ABAT: variants seen among roughly 807,000 people sequenced by gnomAD.
The protein encoded by ABAT is 4-aminobutyrate aminotransferase, mitochondrial.
ABAT carries 45 observed loss-of-function variants against 64.6 expected under a neutral mutation model. The ratio of observed to expected loss-of-function variants is 0.70; its 90% CI spans 0.55 to 0.89. The LOEUF (loss-of-function observed/expected upper bound fraction) is 0.89. ABAT is among the 40% of genes least tolerant of loss of function. The pLI, the probability that ABAT is intolerant of heterozygous loss-of-function variation, is 0.00. For synonymous variants in ABAT, 297 were observed against 250.5 expected (o/e 1.19, Z -1.75); for missense variants, 633 against 658.4 (o/e 0.96, Z 0.42).
intron 2 of ABAT, among the ~76,000 whole-genome samples, chr16:8,740,900 A>G (rs1475314666): frequency 6.6e-6 from 1 of 152,230 alleles, no homozygotes; most frequent in Non-Finnish European, 1.5e-5. Context: ...AAAATTTTTT[A>G]ACAGAAAAGC....
At chr16:8,690,855 C>T (rs933672688) in intron 1 of ABAT, among the ~76,000 whole-genome samples, 2 of 152,100 alleles carry the variant, frequency 1.3e-5, no homozygotes, top group African/African-American at 2.4e-5. Flanking sequence ...CCAAACATAG[C>T]GGACAGGATT....
At chr16:8,733,280 C>A (rs146925701) in intron 1 of ABAT, among the ~76,000 whole-genome samples, 1 of 150,374 alleles carries the variant, frequency 6.7e-6, no homozygotes, top group African/African-American at 2.5e-5. Context: ...TGATGGCGGC[C>A]GGGAAGAGGT....
intron 1 of ABAT, among the ~76,000 whole-genome samples, chr16:8,683,076 C>G (rs934203159): frequency 6.6e-6 from 1 of 152,172 alleles, no homozygotes; most frequent in Non-Finnish European, 1.5e-5. Flanking sequence ...GCCATTTGTA[C>G]CTTTGCCTGA....
chr16:8,750,903 C>G (rs1353373283), intron 5 of ABAT, among the ~76,000 whole-genome samples: 1 of 151,018 alleles, frequency 6.6e-6, no homozygotes, highest in Admixed American at 6.6e-5. Flanking sequence ...GTTGAGTTTC[C>G]TCGAAGAAGA....
chr16:8,684,156 T>A (rs2057398173), intron 1 of ABAT, among the ~76,000 whole-genome samples: 1 of 152,024 alleles, frequency 6.6e-6, no homozygotes, highest in Non-Finnish European at 1.5e-5. Context: ...TCCTGGGGAT[T>A]CTAGGGAAGA....
intron 2 of ABAT, chr16:8,737,484 A>AAAAT (rs71152923): frequency 0.86 from 130,074 of 150,600 alleles, 56,211 homozygotes; most frequent in African/African-American, 0.89. Context: ...AAAAAAATAA[A>AAAAT]AAATAAATAA....
At position 8,783,108 on chromosome 16, in the gene ABAT, A is replaced by C. The variant is rs970141725; in HGVS notation, c.*1678A>C. ...TTAATCAGGAGTTCTGCCAGGTTTA[A>C]GGTCACCTGCACTCCCAGCCAAGTG... On this transcript the variant is annotated 3_prime_UTR_variant, in exon 16 of 16. Coordinates refer to ENST00000268251, the MANE Select transcript of ABAT (RefSeq NM_020686.6). 6.6e-6 allele frequency: 1 copy of C among 152,152 alleles called. No homozygotes were observed. The highest frequency in any genetic ancestry group is 1.5e-5 in the Non-Finnish European group (1 of 68,030). The allele number at this position is 152,152 out of a possible 1,614,324, so 9.4% of individuals were successfully genotyped here. A position where few individuals can be genotyped will look rare whatever the true frequency, so the allele number is the denominator to read the frequency against.
At position 8,730,295 on chromosome 16, in the gene ABAT, C is replaced by T. The variant is rs559304158; in HGVS notation, c.-41-5404C>T. 7.2e-5 allele frequency among the ~76,000 whole-genome samples: 11 copies of T among 152,254 alleles called. No individual in the cohort carries two copies. The East Asian group carries it at 1.5e-3, about 21-fold the overall frequency. On this transcript the variant is annotated intron_variant, in intron 1 of 15. Transcript: ENST00000268251. ...ACCATGAATGTTCGTAGCACAAATG[C>T]ATCAATGGCAACCGCCTCCCTCCTT...
chr16:8,715,845 T>C (rs1420082), intron 1 of ABAT, among the ~76,000 whole-genome samples: 51,360 of 151,994 alleles, frequency 0.34, 10,311 homozygotes, highest in Non-Finnish European at 0.45. Flanking sequence ...ACTGAGGTTA[T>C]GTAAGAGAAC....
chr16:8,755,659 C>T (rs1015116004), intron 5 of ABAT, among the ~76,000 whole-genome samples: 1 of 152,142 alleles, frequency 6.6e-6, no homozygotes, highest in African/African-American at 2.4e-5. Context: ...ACCTGTAATC[C>T]TAGCACTTTG....
At chr16:8,716,770 C>T (rs1253587450) in intron 1 of ABAT, among the ~76,000 whole-genome samples, 2 of 152,170 alleles carry the variant, frequency 1.3e-5, no homozygotes, top group South Asian at 2.1e-4. Flanking sequence ...CCAGGCAGGC[C>T]GTGGCATTTC....
intron 1 of ABAT, among the ~76,000 whole-genome samples, chr16:8,678,870 T>C (rs1388112647): frequency 5.3e-5 from 8 of 152,178 alleles, no homozygotes; most frequent in Admixed American, 5.2e-4. Context: ...ACATAGCCAG[T>C]ATGATCCTAT....
At chr16:8,780,194 G>T (rs746842177) in intron 15 of ABAT, among the ~76,000 whole-genome samples, 1 of 152,146 alleles carries the variant, frequency 6.6e-6, no homozygotes, top group Admixed American at 6.5e-5. Flanking sequence ...GAACGGTTGG[G>T]AGGGGATGAA....
intron 1 of ABAT, among the ~76,000 whole-genome samples, chr16:8,704,378 T>C (rs371955493): frequency 1.4e-4 from 22 of 152,372 alleles, no homozygotes; most frequent in African/African-American, 4.3e-4. Context: ...TGGGCTGCCA[T>C]CCACTGAAGT....
At chr16:8,711,674 G>A (rs958730217) in intron 1 of ABAT, among the ~76,000 whole-genome samples, 1 of 124,324 alleles carries the variant, frequency 8.0e-6, no homozygotes, top group African/African-American at 3.3e-5. Context: ...AGAGATGGGT[G>A]GGTGGAAGGA....
chr16:8,777,009 C>T (rs1052098618), intron 14 of ABAT, among the ~76,000 whole-genome samples: 9 of 152,326 alleles, frequency 5.9e-5, no homozygotes, highest in South Asian at 4.1e-4. Flanking sequence ...GGAGATTCTC[C>T]GGCCTCAGCC....
At position 8,781,839 on chromosome 16, in the gene ABAT, G is replaced by T. The variant is rs554780475; in HGVS notation, c.*409G>T. On this transcript the variant is annotated 3_prime_UTR_variant, in exon 16 of 16. Transcript: ENST00000268251. This position sits in a 1 kb window ranked among gnomAD's most constrained non-coding sequence, Gnocchi z 4.5. Reference sequence around the variant, plus strand: ...CAGTCCATCTCAAGTGCCATATTCTGTGATCACGGATGTTGGCTCCCCCTC... The same window carrying T: ...CAGTCCATCTCAAGTGCCATATTCTTTGATCACGGATGTTGGCTCCCCCTC... The T allele has an allele frequency of 5.8e-6, 2 of 347,284 alleles. No individual in the cohort carries two copies. The highest frequency in any genetic ancestry group is 4.3e-5 in the African/African-American group (2 of 46,874). The allele number at this position is 347,284 out of a possible 1,614,324, so 21.5% of individuals were successfully genotyped here. A position where few individuals can be genotyped will look rare whatever the true frequency, so the allele number is the denominator to read the frequency against.
At chr16:8,688,248 T>C (rs375928797) in intron 1 of ABAT, among the ~76,000 whole-genome samples, 122 of 152,274 alleles carry the variant, frequency 8.0e-4, no homozygotes, top group African/African-American at 2.8e-3. Context: ...CTACTTGGAC[T>C]ATCTCATTTT....
intron 3 of ABAT, among the ~76,000 whole-genome samples, chr16:8,747,326 G>A (rs907992771): frequency 6.6e-6 from 1 of 151,854 alleles, no homozygotes; most frequent in Non-Finnish European, 1.5e-5. Flanking sequence ...TTTTTTTACT[G>A]TCAAAACATA....
Sources: gnomAD v4.1 joint callset for allele counts (sites outside exome capture counted in the v4.1 genomes callset) on GRCh38, gnomAD v4.1.1 for gene constraint, Gnocchi (gnomAD v3.1) non-coding constraint, MANE v1.5 for transcripts, NCBI Gene and HGNC (gene_info 2026-07-23, HGNC 2026-07-21) for gene names.